RARB: variants seen among roughly 807,000 people sequenced by gnomAD.
The protein encoded by RARB is HBV-activated protein.
RARB carries 17 observed loss-of-function variants against 51.9 expected under a neutral mutation model. That is an observed-to-expected ratio of 0.33 (90% CI 0.22 to 0.49). The LOEUF (loss-of-function observed/expected upper bound fraction) is 0.49, where lower values mean the gene tolerates loss of function less well. Ranked by LOEUF, RARB falls within the 20% of genes least tolerant of loss-of-function variation. RARB has a pLI of 0.99. For missense variants in RARB, 369 were observed against 550.8 expected (o/e 0.67, Z 3.30); for synonymous variants, 215 against 195.4 (o/e 1.10, Z -0.84).
At chr3:25,417,347 A>G (rs1707731403) in intron 5 of RARB, among the ~76,000 whole-genome samples, 1 of 152,052 alleles carries the variant, frequency 6.6e-6, no homozygotes, top group Non-Finnish European at 1.5e-5. Flanking sequence ...AAGGAAGAAA[A>G]GTAGGTCAGT....
At chr3:24,998,322 G>C (rs951625484) in intron 2 of RARB, among the ~76,000 whole-genome samples, 2 of 150,894 alleles carry the variant, frequency 1.3e-5, no homozygotes, top group African/African-American at 4.9e-5. Flanking sequence ...GGGGCCCTAG[G>C]AATTTAAATT....
intron 2 of RARB, among the ~76,000 whole-genome samples, chr3:24,872,654 G>A (rs149728654): frequency 5.7e-4 from 87 of 152,146 alleles, no homozygotes; most frequent in Admixed American, 2.1e-3. Context: ...GTGAATAGAT[G>A]GAGTGAGAAC....
At chr3:25,113,008 CATT>C (rs1699629021) in intron 3 of RARB, among the ~76,000 whole-genome samples, 1 of 152,116 alleles carries the variant, frequency 6.6e-6, no homozygotes, top group Non-Finnish European at 1.5e-5. Flanking sequence ...TATTCAGCAT[CATT>C]GAGAGCCAGT....
intron 5 of RARB, among the ~76,000 whole-genome samples, chr3:25,245,667 G>C (rs1257216431): frequency 6.6e-6 from 1 of 152,204 alleles, no homozygotes; most frequent in Non-Finnish European, 1.5e-5. Context: ...TCTGAAGAGA[G>C]ATCTGCTGTT....
intron 3 of RARB, among the ~76,000 whole-genome samples, chr3:25,508,744 A>T (rs1292163096): frequency 6.6e-6 from 1 of 152,092 alleles, no homozygotes; most frequent in Admixed American, 6.5e-5. Flanking sequence ...TGTGGCACAC[A>T]AATCCCTGAA....
chr3:25,332,157 C>A (rs1299453411), intron 5 of RARB, among the ~76,000 whole-genome samples: 1 of 152,126 alleles, frequency 6.6e-6, no homozygotes, highest in Admixed American at 6.6e-5. Context: ...AAGAGGGAAT[C>A]CTCCCTAACT....
chr3:25,165,342 T>G (rs1281400966), intron 4 of RARB, among the ~76,000 whole-genome samples: 1 of 152,160 alleles, frequency 6.6e-6, no homozygotes, highest in Non-Finnish European at 1.5e-5. Context: ...ACATTTCCAT[T>G]TCTATGCCAG....
At chr3:25,338,096 A>AACACAC (rs10523484) in intron 5 of RARB, among the ~76,000 whole-genome samples, 6,085 of 143,976 alleles carry the variant, frequency 0.042, 162 homozygotes, top group Middle Eastern at 0.067. Flanking sequence ...CCAAACCCCC[A>AACACAC]ACACACACAC....
chr3:25,161,312 G>A (rs1353428007), intron 4 of RARB, among the ~76,000 whole-genome samples: 2 of 151,946 alleles, frequency 1.3e-5, no homozygotes, highest in East Asian at 1.9e-4. Context: ...CTCCCAAAGT[G>A]CTGGGATTAC....
chr3:25,369,120 T>A (rs966238199), intron 5 of RARB, among the ~76,000 whole-genome samples: 1 of 152,196 alleles, frequency 6.6e-6, no homozygotes, highest in Non-Finnish European at 1.5e-5. Context: ...CTTTCACCTA[T>A]CCTGATTTTA....
At chr3:25,414,853 T>A (rs1347185771) in intron 5 of RARB, among the ~76,000 whole-genome samples, 2 of 152,192 alleles carry the variant, frequency 1.3e-5, no homozygotes, top group Non-Finnish European at 1.5e-5. Context: ...CTTTGCACAA[T>A]TTTTTGAGAT....
At chr3:24,888,200 A>C (rs927868830) in intron 2 of RARB, among the ~76,000 whole-genome samples, 5 of 152,164 alleles carry the variant, frequency 3.3e-5, no homozygotes, top group African/African-American at 7.2e-5. Flanking sequence ...TGGAATATCA[A>C]ATTATTTTAT....
chr3:25,031,305 C>T (rs781451656), intron 2 of RARB, among the ~76,000 whole-genome samples: 21 of 152,204 alleles, frequency 1.4e-4, no homozygotes, highest in Admixed American at 2.6e-4. Flanking sequence ...CACCTAGCCA[C>T]GCTTTCTGTT....
At chr3:25,123,511 A>G (rs1194428234) in intron 3 of RARB, among the ~76,000 whole-genome samples, 1 of 152,208 alleles carries the variant, frequency 6.6e-6, no homozygotes, top group East Asian at 1.9e-4. Flanking sequence ...GACAGTGGCT[A>G]TATCAAAGCC....
chr3:25,090,509 C>A (rs1699178371), intron 3 of RARB, among the ~76,000 whole-genome samples: 1 of 152,020 alleles, frequency 6.6e-6, no homozygotes, highest in South Asian at 2.1e-4. Flanking sequence ...ATGTTTAAAC[C>A]TAAGAACAAA....
intron 4 of RARB, among the ~76,000 whole-genome samples, chr3:25,578,390 CCTCT>C (rs758809405): frequency 7.9e-5 from 12 of 152,264 alleles, no homozygotes; most frequent in East Asian, 3.9e-4. Context: ...ACGACAGGCT[CCTCT>C]CTCTCAGCCC....
chr3:25,065,720 A>T (rs1334152899), intron 3 of RARB, among the ~76,000 whole-genome samples: 3 of 152,242 alleles, frequency 2.0e-5, no homozygotes, highest in Non-Finnish European at 4.4e-5. Flanking sequence ...AGAATCTGGC[A>T]TGCAAATGCT....
At chr3:25,182,205 A>G (rs1244414661) in intron 5 of RARB, among the ~76,000 whole-genome samples, 1 of 152,218 alleles carries the variant, frequency 6.6e-6, no homozygotes, top group Non-Finnish European at 1.5e-5. Flanking sequence ...GAATGAATGA[A>G]TACATGAATG....
intron 2 of RARB, among the ~76,000 whole-genome samples, chr3:25,058,240 A>G (rs1173357157): frequency 6.6e-6 from 1 of 151,924 alleles, no homozygotes; most frequent in East Asian, 1.9e-4. Context: ...CCTCAGTCAT[A>G]AAGATTAATG....
Sources: allele counts gnomAD v4.1 joint callset (sites outside exome capture counted in the v4.1 genomes callset), GRCh38; gene constraint gnomAD v4.1.1; transcripts MANE v1.5; gene names NCBI Gene and HGNC (gene_info 2026-07-23, HGNC 2026-07-21).